FIG4: variants seen among roughly 807,000 people sequenced by gnomAD.
FIG4 encodes FIG4 phosphoinositide 5-phosphatase.
In FIG4, 112 loss-of-function variants were observed where a neutral mutation model predicts 118.6. The ratio of observed to expected loss-of-function variants is 0.94; its 90% confidence interval spans 0.81 to 1.11. The LOEUF (loss-of-function observed/expected upper bound fraction) is 1.11. Ranked by LOEUF, FIG4 falls within the 50% of genes least tolerant of loss-of-function variation. The pLI, the probability that FIG4 is intolerant of heterozygous loss-of-function variation, is 0.00. For synonymous variants in FIG4, 369 were observed against 381.2 expected, an observed-to-expected ratio of 0.97 and a Z score of 0.37; for missense variants, 969 against 1,111.7, an observed-to-expected ratio of 0.87 and a Z score of 1.83.
At chr6:109,764,920 TTTTTG>T in intron 13 of FIG4, 88 bp from the exon 14 acceptor site, 1 of 1,208,940 alleles carries the variant, frequency 8.3e-7, no homozygotes, top group African/African-American at 1.5e-5. Flanking sequence ...TTTGTTTTTG[TTTTTG>T]TTTTTGTTTC....
intron 18 of FIG4, among the ~76,000 whole-genome samples, chr6:109,788,555 A>C (rs548973422): frequency 6.6e-6 from 1 of 152,338 alleles, no homozygotes; most frequent in African/African-American, 2.4e-5. Context: ...CACTCTGTAC[A>C]TGCACATGTC....
chr6:109,776,860 A>G (rs752748303), intron 15 of FIG4, 62 bp from the exon 16 acceptor site: 10 of 1,343,044 alleles, frequency 7.4e-6, no homozygotes, highest in Non-Finnish European at 1.1e-5. Context: ...CTAAGAAAAT[A>G]TTCTCTTGAG....
At chr6:109,699,526 G>A (rs147779183) in intron 1 of FIG4, among the ~76,000 whole-genome samples, 2,972 of 143,358 alleles carry the variant, frequency 0.021, 91 homozygotes, top group African/African-American at 0.074. Flanking sequence ...TTTTTGAGAC[G>A]GAGTCTTGCT....
chr6:109,801,137 T>C (rs1257189773), intron 22 of FIG4, among the ~76,000 whole-genome samples: 1 of 152,232 alleles, frequency 6.6e-6, no homozygotes, highest in Non-Finnish European at 1.5e-5. Context: ...TCTAGGAATA[T>C]GTCTCATTTA....
chr6:109,801,024 C>T (rs1193209207), intron 22 of FIG4, among the ~76,000 whole-genome samples: 1 of 152,156 alleles, frequency 6.6e-6, no homozygotes, highest in Non-Finnish European at 1.5e-5. Context: ...TCTCATTTTA[C>T]ACTCCTACCA....
chr6:109,800,957 A>G (rs1456653323), intron 22 of FIG4, among the ~76,000 whole-genome samples: 1 of 152,178 alleles, frequency 6.6e-6, no homozygotes, highest in Non-Finnish European at 1.5e-5. Flanking sequence ...TGTGCCTGGC[A>G]GGCAGGTGCT....
At chr6:109,698,079 G>A (rs1172713539) in intron 1 of FIG4, among the ~76,000 whole-genome samples, 5 of 151,826 alleles carry the variant, frequency 3.3e-5, no homozygotes, top group Admixed American at 2.6e-4. Flanking sequence ...TAGTAGAGAC[G>A]GGGTTTCACT....
intron 7 of FIG4, among the ~76,000 whole-genome samples, chr6:109,739,428 T>C (rs917262584): frequency 1.3e-5 from 2 of 152,182 alleles, no homozygotes; most frequent in South Asian, 2.1e-4. Flanking sequence ...TTTTCTAGTA[T>C]GTTAGACTTT....
intron 18 of FIG4, among the ~76,000 whole-genome samples, chr6:109,787,787 G>A (rs1778023161): frequency 6.6e-6 from 1 of 152,064 alleles, no homozygotes; most frequent in African/African-American, 2.4e-5. Flanking sequence ...TGCTTCTAAG[G>A]GAAATACAGG....
At chr6:109,817,121 T>C (rs1162380805) in intron 22 of FIG4, among the ~76,000 whole-genome samples, 3 of 152,230 alleles carry the variant, frequency 2.0e-5, no homozygotes, top group African/African-American at 7.2e-5. Flanking sequence ...CTTATGTTCT[T>C]TGCCCTTTGA....
At chr6:109,693,344 C>G (rs1384927817) in intron 1 of FIG4, among the ~76,000 whole-genome samples, 2 of 152,170 alleles carry the variant, frequency 1.3e-5, no homozygotes, top group Non-Finnish European at 2.9e-5. Flanking sequence ...TAATGCCACA[C>G]CCCCTCTTTT....
intron 1 of FIG4, among the ~76,000 whole-genome samples, chr6:109,705,726 T>G (rs1191885729): frequency 6.6e-6 from 1 of 152,234 alleles, no homozygotes; most frequent in Non-Finnish European, 1.5e-5. Flanking sequence ...ATCATCCCAT[T>G]GCAATTAATC....
At position 109,691,423 on chromosome 6, in the gene FIG4, A is replaced by G. The variant is rs1330647271; in HGVS notation, c.-13A>G. 1.3e-6 allele frequency: 2 copies of G among 1,569,932 alleles called. No homozygotes were observed. Among genetic ancestry groups the G allele is most frequent in the South Asian group, 1.2e-5 (1 of 85,598 alleles). ...GCTCGTGCCCTGTTGTGGGGCCCCC[A>G]TTTGCCGCCGCCATGCCCACGGCCG... On this transcript the variant is annotated 5_prime_UTR_variant, in exon 1 of 23. Transcript: ENST00000230124.
rs981963284 is a variant in FIG4, at chr6:109,786,526, T to C, written c.2096+77T>C. The C allele has an allele frequency of 2.7e-5, 41 of 1,534,056 alleles. No individual in the cohort carries two copies. The African/African-American group carries it at 3.1e-4, about 12-fold the overall frequency. On this transcript the variant is annotated intron_variant, in intron 18 of 22. Coordinates refer to ENST00000230124, the MANE Select transcript of FIG4 (RefSeq NM_014845.6). Reference sequence around the variant, plus strand: ...TAGTTTGTATATATATGTCTGTCTTTACCAGAAATCCATTCTGTAGGCCTT... The same window carrying C: ...TAGTTTGTATATATATGTCTGTCTTCACCAGAAATCCATTCTGTAGGCCTT...
intron 10 of FIG4, among the ~76,000 whole-genome samples, chr6:109,755,693 G>A (rs576427185): frequency 1.3e-5 from 2 of 152,048 alleles, no homozygotes; most frequent in African/African-American, 4.8e-5. Context: ...TTATGTAATG[G>A]CCTCCTTTGT....
intron 3 of FIG4, among the ~76,000 whole-genome samples, chr6:109,722,825 C>T (rs1167738776): frequency 6.6e-6 from 1 of 152,014 alleles, no homozygotes; most frequent in African/African-American, 2.4e-5. Flanking sequence ...GGAGCCCAGA[C>T]CTTAGCCATG....
At chr6:109,741,605 TAG>T (rs1776326034) in intron 8 of FIG4, 61 bp downstream of exon 8, 2 of 1,058,010 alleles carry the variant, frequency 1.9e-6, no homozygotes, top group Non-Finnish European at 3.0e-6. Flanking sequence ...TTTGCTGATG[TAG>T]AAGCACAGTG....
At chr6:109,726,054 G>A (rs1270844197) in intron 3 of FIG4, among the ~76,000 whole-genome samples, 1 of 152,102 alleles carries the variant, frequency 6.6e-6, no homozygotes, top group African/African-American at 2.4e-5. Context: ...TAGGTTACCT[G>A]TTCACTGTGA....
At chr6:109,732,761 A>G in intron 5 of FIG4, 74 bp downstream of exon 5, 1 of 873,220 alleles carries the variant, frequency 1.1e-6, no homozygotes. Context: ...TAAAAGCAGA[A>G]TGAGAACATA....
Sources: gnomAD v4.1 joint callset for allele counts (sites outside exome capture counted in the v4.1 genomes callset) on GRCh38, gnomAD v4.1.1 for gene constraint, MANE v1.5 for transcripts, NCBI Gene and HGNC (gene_info 2026-07-23, HGNC 2026-07-21) for gene names.